UMAD1: variants seen among roughly 807,000 people sequenced by gnomAD.
UMAD1 encodes the protein UBAP1-MVB12-associated (UMA)-domain containing protein 1.
A neutral mutation model predicts 6.1 loss-of-function variants in UMAD1; 8 were observed. The observed-to-expected ratio is 1.30, with a 90% confidence interval of 0.76 to 2.35. The LOEUF (loss-of-function observed/expected upper bound fraction) is 2.35. UMAD1 is among the 30% of genes most tolerant of loss of function. The probability of loss-of-function intolerance (pLI) is 0.00; values close to 1 mark genes in which losing one functional copy is unlikely to be tolerated. For synonymous variants in UMAD1, 56 were observed against 31.4 expected, an observed-to-expected ratio of 1.78 and a Z score of -2.61; for missense variants, 130 against 78.4, an observed-to-expected ratio of 1.66 and a Z score of -2.49.
At chr7:7,854,694 G>T (rs1389373748) in intron 3 of UMAD1, among the ~76,000 whole-genome samples, 3 of 152,062 alleles carry the variant, frequency 2.0e-5, no homozygotes, top group Non-Finnish European at 4.4e-5. Flanking sequence ...CCCACCCCTG[G>T]CCGCTCCCAG....
At chr7:7,788,681 C>G in intron 2 of UMAD1, among the ~76,000 whole-genome samples, 1 of 132,040 alleles carries the variant, frequency 7.6e-6, no homozygotes, top group South Asian at 2.4e-4. Flanking sequence ...CTGCAGGAAG[C>G]AAAGCCAGCA....
intron 2 of UMAD1, chr7:7,676,229 C>T (rs1451800645): frequency 7.5e-6 from 3 of 398,472 alleles, no homozygotes; most frequent in Admixed American, 4.4e-5. Context: ...CTTCCCAGTA[C>T]CACTTAGCAT....
At chr7:7,778,800 A>C (rs1034215880) in intron 2 of UMAD1, among the ~76,000 whole-genome samples, 2 of 152,054 alleles carry the variant, frequency 1.3e-5, no homozygotes, top group African/African-American at 4.8e-5. Flanking sequence ...TTCGTTACCT[A>C]TTGTGTTCTT....
chr7:7,868,379 G>T (rs539856814), intron 3 of UMAD1: 1 of 152,158 alleles, frequency 6.6e-6, no homozygotes, highest in East Asian at 1.9e-4. Flanking sequence ...ACTTTTCCAA[G>T]AATACATGGA....
In UMAD1 at chr7:7,863,859, C is replaced by T. The variant is rs990067597; in HGVS notation, c.157-13422C>T. 8.5e-5 allele frequency among the ~76,000 whole-genome samples: 13 copies of T among 152,130 alleles called. No homozygotes were observed. The East Asian group carries it at 2.3e-3, about 27-fold the overall frequency. On this transcript the variant is annotated intron_variant, in intron 3 of 3. Transcript: ENST00000682710. ...CTCTCCCTTTGGCCACTTTTTTTCC[C>T]CAGTCCAAGTAGAGAGATAAGGAGA...
At chr7:7,807,535 A>G (rs190531447) in intron 3 of UMAD1, among the ~76,000 whole-genome samples, 29 of 152,202 alleles carry the variant, frequency 1.9e-4, no homozygotes, top group African/African-American at 6.3e-4. Flanking sequence ...TAGCCCAAGT[A>G]TATTTCAAAA....
chr7:7,872,797 G>A (rs79473430), intron 3 of UMAD1, among the ~76,000 whole-genome samples: 257 of 152,284 alleles, frequency 1.7e-3, no homozygotes, highest in African/African-American at 4.9e-3. Flanking sequence ...AGATGATTTC[G>A]CTAATGAAAC....
intron 1 of UMAD1, among the ~76,000 whole-genome samples, chr7:7,647,698 CCTGAG>C (rs1785127683): frequency 6.6e-6 from 1 of 152,146 alleles, no homozygotes; most frequent in Non-Finnish European, 1.5e-5. Flanking sequence ...GCCTTGAACT[CCTGAG>C]CTCAAGGCTC....
At chr7:7,864,937 A>G (rs990239663) in intron 3 of UMAD1, among the ~76,000 whole-genome samples, 3 of 152,174 alleles carry the variant, frequency 2.0e-5, no homozygotes, top group African/African-American at 4.8e-5. Context: ...AAAAACCTCT[A>G]AATAGTGGGT....
intron 2 of UMAD1, among the ~76,000 whole-genome samples, chr7:7,788,891 T>G (rs1782506685): frequency 6.6e-6 from 1 of 152,254 alleles, no homozygotes; most frequent in Non-Finnish European, 1.5e-5. Flanking sequence ...CATTAAAGGT[T>G]ACACATATTC....
At chr7:7,779,910 T>C (rs974292885) in intron 2 of UMAD1, among the ~76,000 whole-genome samples, 1 of 152,146 alleles carries the variant, frequency 6.6e-6, no homozygotes, top group African/African-American at 2.4e-5. Flanking sequence ...TCCCAGAGTG[T>C]CAGGATAACA....
At chr7:7,778,342 A>G (rs76171770) in intron 2 of UMAD1, among the ~76,000 whole-genome samples, 2,310 of 151,992 alleles carry the variant, frequency 0.015, 60 homozygotes, top group African/African-American at 0.052. Flanking sequence ...ACTGATGAAT[A>G]TAGGTAAAGG....
chr7:7,772,644 A>C (rs2115244327), intron 2 of UMAD1, among the ~76,000 whole-genome samples: 1 of 152,336 alleles, frequency 6.6e-6, no homozygotes, highest in Non-Finnish European at 1.5e-5. Context: ...TGTGGAACCG[A>C]TCAGGAAGAA....
chr7:7,689,655 A>G (rs1780127163), intron 2 of UMAD1, among the ~76,000 whole-genome samples: 1 of 152,210 alleles, frequency 6.6e-6, no homozygotes, highest in African/African-American at 2.4e-5. Context: ...ATATCTCAGT[A>G]AAGCTCTTCA....
Position 7,827,274 on chromosome 7 carries a change from T to C in UMAD1, c.156+25531T>C, listed in dbSNP as rs189597210. ...ATCACGTAGTGTAGACTAAATTCTATAGGAAAAATTCCAGATACAAAGAGT... is the reference window on the plus strand; with the variant it reads ...ATCACGTAGTGTAGACTAAATTCTACAGGAAAAATTCCAGATACAAAGAGT... On this transcript the variant is annotated intron_variant, in intron 3 of 3. Transcript: ENST00000682710. 2.0e-4 allele frequency among the ~76,000 whole-genome samples: 31 copies of C among 151,970 alleles called. 1 individual carries two copies. The Middle Eastern group carries it at 0.01, about 50-fold the overall frequency.
At chr7:7,869,652 A>G (rs1464293286) in intron 3 of UMAD1, among the ~76,000 whole-genome samples, 2 of 152,232 alleles carry the variant, frequency 1.3e-5, no homozygotes, top group African/African-American at 4.8e-5. Context: ...CCAAATATAG[A>G]TGACTTTCAT....
At chr7:7,835,700 A>G (rs1783556398) in intron 3 of UMAD1, among the ~76,000 whole-genome samples, 1 of 151,750 alleles carries the variant, frequency 6.6e-6, no homozygotes, top group Non-Finnish European at 1.5e-5. Flanking sequence ...TTTGTCAGTT[A>G]ATAAAGGGAT....
intron 3 of UMAD1, among the ~76,000 whole-genome samples, chr7:7,814,340 A>G (rs1048376665): frequency 3.0e-4 from 46 of 152,180 alleles, no homozygotes; most frequent in African/African-American, 1.1e-3. Context: ...TCTTTTTCTC[A>G]TGGCCATTGT....
chr7:7,719,773 C>T (rs1004812632), intron 2 of UMAD1, among the ~76,000 whole-genome samples: 2 of 152,024 alleles, frequency 1.3e-5, no homozygotes, highest in Non-Finnish European at 1.5e-5. Flanking sequence ...GTACTTGGAG[C>T]TTTTATTCTG....
Sources: gnomAD v4.1 joint callset for allele counts (sites outside exome capture counted in the v4.1 genomes callset) on GRCh38, gnomAD v4.1.1 for gene constraint, MANE v1.5 for transcripts, NCBI Gene and HGNC (gene_info 2026-07-23, HGNC 2026-07-21) for gene names.